PLXDC2: variants seen among roughly 807,000 people sequenced by gnomAD.
The protein encoded by PLXDC2 is plexin domain containing 2.
PLXDC2 carries 40 observed loss-of-function variants against 68.9 expected under a neutral mutation model. That is an observed-to-expected ratio of 0.58 (90% CI 0.45 to 0.76). The LOEUF is 0.76. Ranked by LOEUF, PLXDC2 falls within the 30% of genes least tolerant of loss-of-function variation. The probability of loss-of-function intolerance (pLI) is 0.00; values close to 1 mark genes in which losing one functional copy is unlikely to be tolerated. For synonymous variants in PLXDC2, 243 were observed against 234.2 expected (o/e 1.04, Z -0.34); for missense variants, 644 against 661.9 (o/e 0.97, Z 0.30).
At chr10:20,045,135 A>C (rs1472950531) in intron 2 of PLXDC2, among the ~76,000 whole-genome samples, 1 of 151,998 alleles carries the variant, frequency 6.6e-6, no homozygotes, top group Non-Finnish European at 1.5e-5. Context: ...GTATACATAT[A>C]ATTTGTGTTC....
chr10:20,208,510 G>T lies in PLXDC2; in HGVS notation c.1062-3159G>T, dbSNP rs7900315. 2.6e-3 allele frequency among the ~76,000 whole-genome samples: 398 copies of T among 152,142 alleles called. 2 individuals are homozygous for T. The highest frequency in any genetic ancestry group is 8.3e-3 in the African/African-American group (345 of 41,508). ...GAAATTCAAGATGAGATTTGTGTGG[G>T]GACACAGCCAAAGTATATCATATAT... On this transcript the variant is annotated intron_variant, in intron 9 of 13. Transcript: ENST00000377252.
At chr10:20,083,370 G>A (rs561523059) in intron 4 of PLXDC2, among the ~76,000 whole-genome samples, 14 of 151,722 alleles carry the variant, frequency 9.2e-5, no homozygotes, top group Non-Finnish European at 1.3e-4. Context: ...CCAGCTACTC[G>A]GGAAGCTGAG....
chr10:19,959,282 T>A (rs200611736), intron 1 of PLXDC2, among the ~76,000 whole-genome samples: 1 of 152,176 alleles, frequency 6.6e-6, no homozygotes, highest in East Asian at 1.9e-4. Flanking sequence ...GGAATGATTG[T>A]CTTGGTGTTT....
At chr10:20,149,579 C>A (rs117137833) in intron 6 of PLXDC2, among the ~76,000 whole-genome samples, 2 of 152,040 alleles carry the variant, frequency 1.3e-5, no homozygotes, top group Admixed American at 6.6e-5. Flanking sequence ...TCTCACCTTC[C>A]ACTCTCAAGT....
At chr10:20,047,459 A>T (rs1482974469) in intron 3 of PLXDC2, among the ~76,000 whole-genome samples, 1 of 152,176 alleles carries the variant, frequency 6.6e-6, no homozygotes, top group African/African-American at 2.4e-5. Flanking sequence ...CTTAGATAAC[A>T]TATATAGACC....
chr10:20,134,144 G>C (rs931760782), intron 4 of PLXDC2, among the ~76,000 whole-genome samples: 3 of 151,960 alleles, frequency 2.0e-5, no homozygotes, highest in Non-Finnish European at 4.4e-5. Flanking sequence ...TTGTACTTGT[G>C]TTCTCCTGTA....
chr10:19,956,785 A>C (rs1351831770), intron 1 of PLXDC2, among the ~76,000 whole-genome samples: 1 of 152,166 alleles, frequency 6.6e-6, no homozygotes, highest in Non-Finnish European at 1.5e-5. Flanking sequence ...CGTTGTCTAA[A>C]ACTTTTGATT....
intron 7 of PLXDC2, among the ~76,000 whole-genome samples, chr10:20,173,037 G>A (rs573884812): frequency 3.3e-5 from 5 of 152,250 alleles, no homozygotes; most frequent in Admixed American, 3.3e-4. Flanking sequence ...CTAATGCATT[G>A]CACTTTTCTG....
At chr10:19,967,941 A>G (rs551627059) in intron 1 of PLXDC2, among the ~76,000 whole-genome samples, 70 of 152,360 alleles carry the variant, frequency 4.6e-4, no homozygotes, top group African/African-American at 1.6e-3. Context: ...AACTAAAATT[A>G]TGAAGAAAAG....
At chr10:20,160,200 T>A (rs1341308698) in intron 6 of PLXDC2, among the ~76,000 whole-genome samples, 1 of 152,176 alleles carries the variant, frequency 6.6e-6, no homozygotes, top group Non-Finnish European at 1.5e-5. Context: ...ATAATTTATA[T>A]CTAGTAGACA....
At chr10:19,989,082 G>A (rs112323234) in intron 1 of PLXDC2, among the ~76,000 whole-genome samples, 3,607 of 152,176 alleles carry the variant, frequency 0.024, 54 homozygotes, top group South Asian at 0.084. Context: ...TTACAGGCAT[G>A]AGCCACCGCA....
At chr10:19,868,252 T>C (rs540773619) in intron 1 of PLXDC2, among the ~76,000 whole-genome samples, 3 of 152,192 alleles carry the variant, frequency 2.0e-5, no homozygotes, top group African/African-American at 7.2e-5. Context: ...GGTAGTTTTT[T>C]TGATCCTCTC....
intron 9 of PLXDC2, among the ~76,000 whole-genome samples, chr10:20,200,154 A>AAC (rs1429644482): frequency 6.6e-6 from 1 of 151,876 alleles, no homozygotes; most frequent in Non-Finnish European, 1.5e-5. Context: ...AACAAAAAAA[A>AAC]TAGTATTAAA....
At chr10:20,037,343 T>C (rs1835595254) in intron 2 of PLXDC2, among the ~76,000 whole-genome samples, 1 of 149,206 alleles carries the variant, frequency 6.7e-6, no homozygotes, top group Non-Finnish European at 1.5e-5. Context: ...CTTTCTGGCA[T>C]CTTCTTTTTT....
Position 20,136,926 on chromosome 10 carries a change from A to G in PLXDC2, c.542-6369A>G, listed in dbSNP as rs1363978948. ...TTACTGTGACACTTCCAATTAAACA[A>G]AACAACCACTTGCAACCAATAGGAG... On this transcript the variant is annotated intron_variant, in intron 4 of 13. Transcript: ENST00000377252. Among the ~76,000 whole-genome samples the G allele has an allele frequency of 2.0e-5, 3 of 152,242 alleles. No homozygotes were observed. In the East Asian group the frequency reaches 5.8e-4, roughly 29 times the overall value.
intron 6 of PLXDC2, among the ~76,000 whole-genome samples, chr10:20,150,045 A>G (rs6482100): frequency 0.92 from 139,575 of 152,202 alleles, 64,108 homozygotes; most frequent in Non-Finnish European, 0.95. Flanking sequence ...TCATCGACAT[A>G]CCCCACCAGA....
intron 12 of PLXDC2, among the ~76,000 whole-genome samples, chr10:20,223,168 T>A (rs551451961): frequency 6.6e-6 from 1 of 152,292 alleles, no homozygotes; most frequent in East Asian, 1.9e-4. Context: ...TTATTTATTC[T>A]TTATAGACAA....
intron 1 of PLXDC2, among the ~76,000 whole-genome samples, chr10:19,819,965 A>C (rs1836432105): frequency 6.6e-6 from 1 of 152,248 alleles, no homozygotes; most frequent in Non-Finnish European, 1.5e-5. Flanking sequence ...GACAAAAGAC[A>C]GGTTGATTAT....
chr10:20,025,205 C>T (rs146258208), intron 2 of PLXDC2, among the ~76,000 whole-genome samples: 212 of 152,006 alleles, frequency 1.4e-3, no homozygotes, highest in African/African-American at 5.0e-3. Flanking sequence ...TTTACATTAC[C>T]ACCAACAGAG....
Sources: gnomAD v4.1 joint callset for allele counts (sites outside exome capture counted in the v4.1 genomes callset) on GRCh38, gnomAD v4.1.1 for gene constraint, MANE v1.5 for transcripts, NCBI Gene and HGNC (gene_info 2026-07-23, HGNC 2026-07-21) for gene names.